MRS2: variants seen among roughly 807,000 people sequenced by gnomAD.
MRS2 encodes magnesium transporter MRS2.
MRS2 carries 40 observed loss-of-function variants against 52.6 expected under a neutral mutation model. The ratio of observed to expected loss-of-function variants is 0.76; its 90% CI spans 0.59 to 0.99. The LOEUF (loss-of-function observed/expected upper bound fraction) is 0.99. Ranked by LOEUF, MRS2 falls within the 50% of genes least tolerant of loss-of-function variation. The pLI is 0.00. For missense variants in MRS2, 472 were observed against 532.7 expected, an observed-to-expected ratio of 0.89 and a Z score of 1.12; for synonymous variants, 193 against 195.9, an observed-to-expected ratio of 0.98 and a Z score of 0.13.
At chr6:24,408,113 G>A (rs1761534418) in intron 2 of MRS2, among the ~76,000 whole-genome samples, 1 of 152,042 alleles carries the variant, frequency 6.6e-6, no homozygotes, top group South Asian at 2.1e-4. Context: ...TTACCATAAG[G>A]ATTGTTACCT....
intron 1 of MRS2, 84 bp from the exon 2 acceptor site, chr6:24,405,084 C>A (rs1761417708): frequency 1.1e-6 from 1 of 900,358 alleles, no homozygotes; most frequent in Non-Finnish European, 1.8e-6. Context: ...GTCTGAAGGC[C>A]TCCACATACT....
At chr6:24,419,975 T>C (rs1385759266) in intron 9 of MRS2, among the ~76,000 whole-genome samples, 3 of 152,272 alleles carry the variant, frequency 2.0e-5, no homozygotes, top group Middle Eastern at 6.3e-3. Context: ...GAGTCTACTC[T>C]GTTGCCCACA....
intron 5 of MRS2, among the ~76,000 whole-genome samples, chr6:24,414,142 CTT>C (rs200456436): frequency 1.5e-4 from 21 of 144,076 alleles, no homozygotes; most frequent in African/African-American, 4.6e-4. Flanking sequence ...AGGAGAAAGA[CTT>C]TTTTTTTTAA....
chr6:24,403,034 T>C lies in MRS2; in HGVS notation c.-13T>C. 6.3e-7 allele frequency: 1 copy of C among 1,576,414 alleles called. No individual in the cohort carries two copies. The highest frequency in any genetic ancestry group is 8.6e-7 in the Non-Finnish European group (1 of 1,162,500). ...CTGGGGTCTGGCTGCTGCCTGCTTC[T>C]TGCTCCAGCACCATGGAATGCCTGC... On this transcript the variant is annotated 5_prime_UTR_variant, in exon 1 of 11. Transcript: ENST00000378386.
At position 24,405,256 on chromosome 6, in the gene MRS2, T is replaced by C; in HGVS notation, c.264+15T>C. The C allele has an allele frequency of 2.5e-6, 4 of 1,595,426 alleles. No individual in the cohort carries two copies. The highest frequency in any genetic ancestry group is 3.4e-6 in the Non-Finnish European group (4 of 1,164,552). On this transcript the variant is annotated intron_variant, in intron 2 of 10. Transcript: ENST00000378386. ...TATTTACTGTGGTGAGTATGTACAGTACATTGGAAATCGTACAGAAAGTGC... is the reference window on the plus strand; with the variant it reads ...TATTTACTGTGGTGAGTATGTACAGCACATTGGAAATCGTACAGAAAGTGC...
chr6:24,418,283 TAAGAAA>T, intron 8 of MRS2, 47 bp downstream of exon 8: 1 of 1,478,756 alleles, frequency 6.8e-7, no homozygotes, highest in Non-Finnish European at 9.0e-7. Context: ...AAAATAATTA[TAAGAAA>T]GTTTTTAAGG....
intron 9 of MRS2, among the ~76,000 whole-genome samples, chr6:24,421,110 TTTCTC>T (rs1490985463): frequency 6.6e-6 from 1 of 152,224 alleles, no homozygotes; most frequent in Non-Finnish European, 1.5e-5. Flanking sequence ...GTCCCTGTCT[TTTCTC>T]TAAATACATA....
intron 9 of MRS2, 185 bp downstream of exon 9, chr6:24,418,763 G>C: frequency 4.6e-6 from 2 of 437,934 alleles, no homozygotes; most frequent in Non-Finnish European, 8.5e-6. Flanking sequence ...GACAGGCACG[G>C]TGGCAGGCAC....
Position 24,425,694 on chromosome 6 carries a change from CAT to C in MRS2, c.*2003_*2004del, listed in dbSNP as rs1420505152. The C allele has an allele frequency of 1.3e-5, 2 of 152,184 alleles. No homozygotes were observed. Among genetic ancestry groups the C allele is most frequent in the Non-Finnish European group, 2.9e-5 (2 of 68,036 alleles). The allele number at this position is 152,184 out of a possible 1,614,324, so 9.4% of individuals were successfully genotyped here. On this transcript the variant is annotated 3_prime_UTR_variant, in exon 11 of 11. Transcript: ENST00000378386. The stretch of plus-strand genomic sequence containing the variant: ...TGGGTTATGTGAGTGAGTAAGCAAT[CAT>C]ATCGCCTGTCAAACACATCAAGTGT...
At chr6:24,421,021 C>T (rs1362112588) in intron 9 of MRS2, among the ~76,000 whole-genome samples, 3 of 152,118 alleles carry the variant, frequency 2.0e-5, no homozygotes, top group Admixed American at 6.5e-5. Flanking sequence ...CAACATAATC[C>T]AGCCATTGAC....
intron 4 of MRS2, 21 bp downstream of exon 4, chr6:24,409,594 CTA>C (rs770559113): frequency 2.2e-6 from 3 of 1,392,176 alleles, no homozygotes; most frequent in Admixed American, 1.9e-5. Context: ...TTATTTTCAT[CTA>C]TGTTTCTCCA....
rs1417025672 is a variant in MRS2 at position 24,408,421 on chromosome 6, A to C, written c.278A>C (p.Lys93Thr). 20 of 1,587,726 alleles carry C rather than the reference A, an allele frequency of 1.3e-5. No individual in the cohort carries two copies. The highest frequency in any genetic ancestry group is 1.7e-5 in the Non-Finnish European group (20 of 1,157,168). The part of the protein sequence containing the change: ...APVFTVTKFD[K>T]QGNVTSFERK... ...CTCTATTTTCAGACAAAATTTGACA[A>C]ACAGGGAAACGTTACTTCTTTTGGT... Residue 93 changes from lysine to threonine, a missense_variant, in exon 3 of 11, where the codon AAA (lysine) becomes ACA (threonine). By Grantham distance (78) the Lys-to-Thr change is moderately conservative. Transcript: ENST00000378386.
At chr6:24,413,461 C>T (rs1761734584) in intron 5 of MRS2, among the ~76,000 whole-genome samples, 1 of 152,144 alleles carries the variant, frequency 6.6e-6, no homozygotes, top group Non-Finnish European at 1.5e-5. Flanking sequence ...AGGGAAAGCT[C>T]CCCAAACCCA....
At chr6:24,422,378 ACT>A (rs1359853941) in intron 9 of MRS2, among the ~76,000 whole-genome samples, 2 of 151,992 alleles carry the variant, frequency 1.3e-5, no homozygotes, top group Non-Finnish European at 2.9e-5. Context: ...AAATATTACC[ACT>A]CTGAAAATGA....
chr6:24,407,528 A>C (rs1406498164), intron 2 of MRS2, among the ~76,000 whole-genome samples: 1 of 152,198 alleles, frequency 6.6e-6, no homozygotes, highest in East Asian at 1.9e-4. Context: ...TGATTCATTA[A>C]ATGTTTCACA....
chr6:24,419,532 A>AT (rs1491136219), intron 9 of MRS2, among the ~76,000 whole-genome samples: 10 of 152,214 alleles, frequency 6.6e-5, no homozygotes, highest in Non-Finnish European at 1.5e-4. Context: ...AACTCTGAAA[A>AT]TAGATATATT....
chr6:24,414,356 AC>A (rs1229296261), intron 5 of MRS2, among the ~76,000 whole-genome samples: 3 of 150,896 alleles, frequency 2.0e-5, no homozygotes, highest in Admixed American at 6.6e-5. Flanking sequence ...ATGACTCTTA[AC>A]GAGCATGCTG....
chr6:24,423,576 T>C lies in MRS2; in HGVS notation c.1222-8T>C. 1 of 1,516,282 alleles carries C rather than the reference T, an allele frequency of 6.6e-7. No homozygotes were observed. 93.9% of individuals were successfully genotyped at this position (1,516,282 alleles called of 1,614,324 possible). A position where few individuals can be genotyped will look rare whatever the true frequency, so the allele number is the denominator to read the frequency against. On this transcript the variant is annotated splice_region_variant and splice_polypyrimidine_tract_variant and intron_variant, in intron 10 of 10. Coordinates refer to ENST00000378386, the MANE Select transcript of MRS2 (RefSeq NM_020662.4). ...AGATACTAAAATTAATACTTCTGCT[T>C]TATTTAGATGGCTTCTTTACCTAAA... is the stretch of plus-strand genomic sequence containing the variant.
chr6:24,409,385 G>C (rs894618955), intron 3 of MRS2, 76 bp from the exon 4 acceptor site: 1 of 784,242 alleles, frequency 1.3e-6, no homozygotes, highest in African/African-American at 1.8e-5. Flanking sequence ...GATGGTGGTG[G>C]GAGGACTGCT....
Sources: allele counts gnomAD v4.1 joint callset (sites outside exome capture counted in the v4.1 genomes callset), GRCh38; gene constraint gnomAD v4.1.1; transcripts MANE v1.5; gene names NCBI Gene and HGNC (gene_info 2026-07-23, HGNC 2026-07-21).